The following HS3ST2 variants were observed in gnomAD, a reference collection of about 807,000 sequenced individuals.
The protein encoded by HS3ST2 is heparan sulfate-glucosamine 3-sulfotransferase 2.
A neutral mutation model predicts 26.3 loss-of-function variants in HS3ST2; 17 were observed. The ratio of observed to expected loss-of-function variants is 0.65; its 90% confidence interval spans 0.44 to 0.97. The LOEUF (loss-of-function observed/expected upper bound fraction) is 0.97, where lower values mean the gene tolerates loss of function less well. HS3ST2 is among the 50% of genes least tolerant of loss of function. The pLI is 0.00. For synonymous variants in HS3ST2, 237 were observed against 219.2 expected (o/e 1.08, Z -0.72); for missense variants, 402 against 501.2 (o/e 0.80, Z 1.89).
intron 1 of HS3ST2, among the ~76,000 whole-genome samples, chr16:22,855,483 C>A (rs1481452567): frequency 6.6e-6 from 1 of 152,162 alleles, no homozygotes; most frequent in Non-Finnish European, 1.5e-5. Flanking sequence ...GCAAGAATTC[C>A]TGCTGCCTTG....
chr16:22,886,357 G>A (rs1318684713), intron 1 of HS3ST2, among the ~76,000 whole-genome samples: 1 of 152,208 alleles, frequency 6.6e-6, no homozygotes, highest in Non-Finnish European at 1.5e-5. Flanking sequence ...CTGTGTTCAT[G>A]TCTCTCCATT....
chr16:22,905,401 T>C (rs2141745677), intron 1 of HS3ST2, among the ~76,000 whole-genome samples: 1 of 151,966 alleles, frequency 6.6e-6, no homozygotes, highest in Admixed American at 6.5e-5. Flanking sequence ...GACAAGAGAA[T>C]ACTTGGGTGT....
intron 1 of HS3ST2, among the ~76,000 whole-genome samples, chr16:22,867,562 C>T (rs540461785): frequency 6.6e-6 from 1 of 152,072 alleles, no homozygotes; most frequent in African/African-American, 2.4e-5. Context: ...TGAACATGAA[C>T]AAGCAACATG....
chr16:22,866,633 T>C (rs917936146), intron 1 of HS3ST2, among the ~76,000 whole-genome samples: 5 of 151,804 alleles, frequency 3.3e-5, no homozygotes, highest in African/African-American at 4.8e-5. Flanking sequence ...AGACCCCGTC[T>C]CTACAAAATG....
chr16:22,895,090 G>A (rs1030962710), intron 1 of HS3ST2, among the ~76,000 whole-genome samples: 3 of 125,916 alleles, frequency 2.4e-5, no homozygotes, highest in Admixed American at 8.0e-5. Flanking sequence ...TTTTTTTGTT[G>A]TTTGTTTGTT....
At chr16:22,823,522 G>C (rs867592935) in intron 1 of HS3ST2, among the ~76,000 whole-genome samples, 1 of 152,010 alleles carries the variant, frequency 6.6e-6, no homozygotes, top group South Asian at 2.1e-4. Flanking sequence ...GGCTGGGTGC[G>C]GTGGTAATGC....
intron 1 of HS3ST2, among the ~76,000 whole-genome samples, chr16:22,866,378 G>A (rs1329278015): frequency 6.7e-6 from 1 of 149,876 alleles, no homozygotes; most frequent in Non-Finnish European, 1.5e-5. Flanking sequence ...GCGTGTGTGT[G>A]TGTGTGTGTG....
intron 1 of HS3ST2, among the ~76,000 whole-genome samples, chr16:22,880,671 G>A (rs1038797959): frequency 6.6e-6 from 1 of 152,156 alleles, no homozygotes; most frequent in African/African-American, 2.4e-5. Flanking sequence ...CTCATGACCT[G>A]AGCTGACCAC....
intron 1 of HS3ST2, among the ~76,000 whole-genome samples, chr16:22,884,753 A>G (rs1902037682): frequency 6.7e-6 from 1 of 148,654 alleles, no homozygotes; most frequent in Non-Finnish European, 1.5e-5. Context: ...CCACCTAGAC[A>G]TCTATCTTGA....
At chr16:22,848,185 G>A (rs979458198) in intron 1 of HS3ST2, among the ~76,000 whole-genome samples, 3 of 152,136 alleles carry the variant, frequency 2.0e-5, no homozygotes, top group Non-Finnish European at 4.4e-5. Context: ...CCTGGATTTT[G>A]GCGTCAAAGG....
intron 1 of HS3ST2, among the ~76,000 whole-genome samples, chr16:22,842,301 A>G (rs1901370807): frequency 6.6e-6 from 1 of 151,884 alleles, no homozygotes; most frequent in African/African-American, 2.4e-5. Context: ...GACCTCAGGT[A>G]ATTCACCCGC....
chr16:22,905,458 G>A (rs907210775), intron 1 of HS3ST2, among the ~76,000 whole-genome samples: 9 of 151,196 alleles, frequency 6.0e-5, no homozygotes, highest in African/African-American at 2.2e-4. Flanking sequence ...GGAAGGGGCT[G>A]CAGGAAGTCT....
chr16:22,859,107 AGTGAGCT>A (rs1385471995), intron 1 of HS3ST2, among the ~76,000 whole-genome samples: 2 of 152,214 alleles, frequency 1.3e-5, no homozygotes, highest in East Asian at 3.8e-4. Flanking sequence ...TAGAGGCTGT[AGTGAGCT>A]ATGATCGTGC....
At chr16:22,906,860 T>G (rs953957324) in intron 1 of HS3ST2, among the ~76,000 whole-genome samples, 1 of 152,220 alleles carries the variant, frequency 6.6e-6, no homozygotes, top group Non-Finnish European at 1.5e-5. Flanking sequence ...TTGATCCATT[T>G]ACTGAGCACC....
At chr16:22,874,485 G>A (rs1053143184) in intron 1 of HS3ST2, among the ~76,000 whole-genome samples, 4 of 152,168 alleles carry the variant, frequency 2.6e-5, no homozygotes, top group South Asian at 2.1e-4. Context: ...GTTTCCCAGC[G>A]ATCACGTCTG....
intron 1 of HS3ST2, among the ~76,000 whole-genome samples, chr16:22,908,113 T>C (rs191244181): frequency 2.6e-5 from 4 of 152,056 alleles, no homozygotes; most frequent in Admixed American, 2.0e-4. Flanking sequence ...GGAGACAGAG[T>C]GAGACCCTGT....
At chr16:22,858,799 A>C (rs1901637982) in intron 1 of HS3ST2, among the ~76,000 whole-genome samples, 1 of 152,154 alleles carries the variant, frequency 6.6e-6, no homozygotes. Flanking sequence ...GCATGAATTC[A>C]AGGTATGGAT....
chr16:22,873,774 G>C (rs1336347207), intron 1 of HS3ST2, among the ~76,000 whole-genome samples: 1 of 152,148 alleles, frequency 6.6e-6, no homozygotes, highest in Non-Finnish European at 1.5e-5. Context: ...AGTTCACCTG[G>C]GCAGTTCTAG....
intron 1 of HS3ST2, among the ~76,000 whole-genome samples, chr16:22,876,683 T>C (rs1901923889): frequency 6.6e-6 from 1 of 152,136 alleles, no homozygotes; most frequent in Non-Finnish European, 1.5e-5. Flanking sequence ...TGCACATGCA[T>C]GTTGATAGCA....
Sources: gnomAD v4.1 joint callset for allele counts (sites outside exome capture counted in the v4.1 genomes callset) on GRCh38, gnomAD v4.1.1 for gene constraint, MANE v1.5 for transcripts, NCBI Gene and HGNC (gene_info 2026-07-23, HGNC 2026-07-21) for gene names.